The following RARS1 variants were observed in gnomAD, a reference collection of about 807,000 sequenced individuals.
The protein encoded by RARS1 is arginine--tRNA ligase, cytoplasmic.
A neutral mutation model predicts 78.7 loss-of-function variants in RARS1; 75 were observed. The observed-to-expected ratio is 0.95, with a 90% CI of 0.79 to 1.15. The LOEUF is 1.15. Among genes scored for constraint, RARS1 ranks in the 50% most tolerant of loss-of-function variants. The pLI is 0.00. For missense variants in RARS1, 787 were observed against 787.5 expected, an observed-to-expected ratio of 1.00 and a Z score of 0.01; for synonymous variants, 273 against 268.2, an observed-to-expected ratio of 1.02 and a Z score of -0.18.
intron 8 of RARS1, among the ~76,000 whole-genome samples, chr5:168,501,622 C>T (rs922368393): frequency 6.6e-6 from 1 of 152,114 alleles, no homozygotes; most frequent in African/African-American, 2.4e-5. Context: ...ACTTGGGAGG[C>T]TGAGGCAGGA....
chr5:168,501,228 G>T (rs1422391080), intron 8 of RARS1, among the ~76,000 whole-genome samples: 2 of 152,080 alleles, frequency 1.3e-5, no homozygotes, highest in African/African-American at 4.8e-5. Flanking sequence ...TGAAAAAGAC[G>T]ATTAATGATG....
rs188597304 is a variant in RARS1 at position 168,518,002 on chromosome 5, G to C, written c.1813G>C (p.Ala605Pro). The C allele has an allele frequency of 6.3e-7, 1 of 1,595,408 alleles. No individual in the cohort carries two copies. The highest frequency in any genetic ancestry group is 1.4e-5 in the African/African-American group (1 of 72,980). ...TCTCTGTGATTATATATATGAGCTG[G>C]CAACTGCTTTCACAGAGTTCTATGA... ...HTLCDYIYEL[A>P]TAFTEFYDSC... Residue 605 changes from alanine to proline, a missense_variant, in exon 14 of 15, where the codon GCA becomes CCA. Physicochemically the swap from Ala to Pro is conservative, Grantham distance 27. Coordinates refer to ENST00000231572, the MANE Select transcript of RARS1 (RefSeq NM_002887.4).
chr5:168,501,751 G>A (rs374413373), intron 8 of RARS1, among the ~76,000 whole-genome samples: 6 of 152,086 alleles, frequency 3.9e-5, no homozygotes, highest in Admixed American at 6.6e-5. Flanking sequence ...GAAAGTAAAC[G>A]TAGACAGGAG....
At chr5:168,507,218 A>T (rs756450111) in intron 11 of RARS1, among the ~76,000 whole-genome samples, 1 of 152,242 alleles carries the variant, frequency 6.6e-6, no homozygotes, top group African/African-American at 2.4e-5. Flanking sequence ...GGCAAAAGGT[A>T]TAAGTTATTG....
chr5:168,518,272 C>T (rs1414426628), intron 14 of RARS1, among the ~76,000 whole-genome samples: 2 of 151,304 alleles, frequency 1.3e-5, no homozygotes, highest in Non-Finnish European at 2.9e-5. Context: ...ATTTAGTAGC[C>T]ATATTAGGGA....
intron 6 of RARS1, chr5:168,496,920 C>T (rs1440187667): frequency 8.9e-6 from 2 of 225,234 alleles, no homozygotes; most frequent in Admixed American, 5.7e-5. Context: ...GTCATTGTCT[C>T]AATTAGCTAC....
In RARS1 at chr5:168,517,868, G is replaced by A. The variant is rs202243741; in HGVS notation, c.1679G>A (p.Arg560Gln). The A allele has an allele frequency of 2.0e-5, 32 of 1,613,640 alleles. No homozygotes were observed. The highest frequency in any genetic ancestry group is 1.4e-4 in the South Asian group (13 of 91,056). ...IDEEMLQKAA[R>Q]ETKILLDHEK... ...GAAGAAATGCTCCAAAAAGCTGCTC[G>A]AGAAACCAAGATTCTTTTGGATCAT... The change falls in exon 14 of 15, where the codon CGA becomes CAA. Residue 560 changes from arginine (R) to glutamine (Q), a missense_variant. By Grantham distance (43) the Arg-to-Gln change is conservative (BLOSUM62 1). Transcript: ENST00000231572.
chr5:168,504,928 A>G (rs972110878), intron 9 of RARS1, among the ~76,000 whole-genome samples: 6 of 152,200 alleles, frequency 3.9e-5, no homozygotes, highest in African/African-American at 1.4e-4. Flanking sequence ...TCTAAGCCAC[A>G]GTGAACATGT....
intron 12 of RARS1, among the ~76,000 whole-genome samples, chr5:168,512,065 A>G (rs192973130): frequency 5.4e-4 from 82 of 152,094 alleles, no homozygotes; most frequent in African/African-American, 1.8e-3. Context: ...GAGTTTTGCC[A>G]TGTTGGAACT....
rs933330254 is a variant in RARS1, at chr5:168,494,104, A to C, written c.478+102A>C. The stretch of plus-strand genomic sequence containing the variant: ...TTAATTACAGGGTTAAACTTTGTAT[A>C]CTGAACAAGATGGTGAAAGCACTGT... On this transcript the variant is annotated intron_variant, in intron 4 of 14. Coordinates refer to ENST00000231572, the MANE Select transcript of RARS1 (RefSeq NM_002887.4). The C allele has an allele frequency of 1.8e-5, 24 of 1,300,084 alleles. No individual in the cohort carries two copies. In the Admixed American group the frequency reaches 3.7e-4, roughly 20 times the overall value. The allele number at this position is 1,300,084 out of a possible 1,614,324, so 80.5% of individuals were successfully genotyped here.
chr5:168,519,107 C>T lies in RARS1; in HGVS notation c.1900C>T (p.Arg634Cys), dbSNP rs1249122899. The T allele has an allele frequency of 3.1e-6, 5 of 1,613,390 alleles. No individual in the cohort carries two copies. The highest frequency in any genetic ancestry group is 3.4e-6 in the Non-Finnish European group (4 of 1,179,640). Residue 634 changes from arginine to cysteine, a missense_variant, in exon 15 of 15, where the codon CGT becomes TGT. Physicochemically the swap from Arg to Cys is radical, Grantham distance 180 (BLOSUM62 -3). Transcript: ENST00000231572. ...TGKILKVNMW[R>C]MLLCEAVAAV... ...AAAAATATTGAAGGTGAACATGTGG[C>T]GTATGCTGCTATGTGAAGCAGTAGC...
chr5:168,515,965 C>T (rs1176302272), intron 12 of RARS1, among the ~76,000 whole-genome samples: 2 of 152,096 alleles, frequency 1.3e-5, no homozygotes, highest in African/African-American at 4.8e-5. Context: ...TTTGGCAGCC[C>T]CGTACTCTAA....
At position 168,517,557 on chromosome 5, in the gene RARS1, C is replaced by T. The variant is rs568293927; in HGVS notation, c.1626-258C>T. Among the ~76,000 whole-genome samples, 7 of 152,222 alleles carry T rather than the reference C, an allele frequency of 4.6e-5. No individual in the cohort carries two copies. The East Asian group carries it at 5.8e-4, about 13-fold the overall frequency. ...TAAACCTGGCCTTAACTGCACTTGC[C>T]GATACTCTTCTAGATGCTCTATGTT... On this transcript the variant is annotated intron_variant, in intron 13 of 14. Coordinates refer to ENST00000231572, the MANE Select transcript of RARS1 (RefSeq NM_002887.4).
chr5:168,491,199 A>G (rs1758076291), intron 2 of RARS1, among the ~76,000 whole-genome samples: 1 of 152,214 alleles, frequency 6.6e-6, no homozygotes, highest in Admixed American at 6.5e-5. Context: ...TTTTGGGTAT[A>G]AGATCATAAT....
chr5:168,517,924 T>C lies in RARS1; in HGVS notation c.1735T>C (p.Leu579=). Residue 579 remains leucine (L), a synonymous_variant, in exon 14 of 15, where the codon TTA becomes CTA. Transcript: ENST00000231572. ...EKEWKLGRCI[L]RFPEILQKIL... Reference sequence around the variant, plus strand: ...GGAATGGAAACTAGGCCGGTGCATTTTACGGTTCCCTGAGATTCTGCAAAA... The same window carrying C: ...GGAATGGAAACTAGGCCGGTGCATTCTACGGTTCCCTGAGATTCTGCAAAA... 6.2e-7 allele frequency: 1 copy of C among 1,614,018 alleles called. No individual in the cohort carries two copies.
chr5:168,511,428 G>A (rs1242191487), intron 12 of RARS1, among the ~76,000 whole-genome samples: 1 of 151,920 alleles, frequency 6.6e-6, no homozygotes, highest in Admixed American at 6.6e-5. Flanking sequence ...GAGAGAGTAG[G>A]GGGAGAAGGT....
At chr5:168,503,412 T>G (rs1205164893) in intron 9 of RARS1, among the ~76,000 whole-genome samples, 6 of 152,206 alleles carry the variant, frequency 3.9e-5, no homozygotes, top group Non-Finnish European at 7.4e-5. Flanking sequence ...GTGCTTGATT[T>G]TTTTATCAAT....
At chr5:168,516,534 A>C (rs1215353513) in intron 12 of RARS1, among the ~76,000 whole-genome samples, 1 of 152,174 alleles carries the variant, frequency 6.6e-6, no homozygotes, top group Non-Finnish European at 1.5e-5. Context: ...TCATGCTGAC[A>C]TTTTACATTT....
chr5:168,513,763 C>CT (rs781549281), intron 12 of RARS1, among the ~76,000 whole-genome samples: 14 of 152,116 alleles, frequency 9.2e-5, no homozygotes, highest in Non-Finnish European at 1.3e-4. Context: ...TATTTTCGCC[C>CT]TTTCCTGCAG....
Sources: allele counts gnomAD v4.1 joint callset (sites outside exome capture counted in the v4.1 genomes callset), GRCh38; gene constraint gnomAD v4.1.1; transcripts MANE v1.5; gene names NCBI Gene and HGNC (gene_info 2026-07-23, HGNC 2026-07-21).